LINGO2: variants seen among roughly 807,000 people sequenced by gnomAD.
LINGO2 encodes the protein leucine rich repeat and Ig domain containing 2.
A neutral mutation model predicts 30.6 loss-of-function variants in LINGO2; 14 were observed. The observed-to-expected ratio is 0.46, with a 90% CI of 0.30 to 0.72. The LOEUF (loss-of-function observed/expected upper bound fraction) is 0.72, where lower values mean the gene tolerates loss of function less well. Ranked by LOEUF, LINGO2 falls within the 30% of genes least tolerant of loss-of-function variation. LINGO2 has a pLI of 0.07. For missense variants in LINGO2, 729 were observed against 751.7 expected (o/e 0.97, Z 0.35); for synonymous variants, 317 against 288.5 (o/e 1.10, Z -1.00).
the LINGO2 span, among the ~76,000 whole-genome samples, chr9:28,681,433 G>A: frequency 6.6e-6 from 1 of 152,064 alleles, no homozygotes; most frequent in African/African-American, 2.4e-5. Context: ...ACAACTGGCA[G>A]TGCAAAGTTT....
Position 28,082,461 on chromosome 9 carries a change from A to G in LINGO2, c.-86-70056T>C, listed in dbSNP as rs568728190. On this transcript the variant is annotated intron_variant, in intron 4 of 5. Coordinates refer to ENST00000379992, the Ensembl canonical transcript of LINGO2. The stretch of plus-strand genomic sequence containing the variant: ...GCACAGAAATAAGTCACATCTTAAT[A>G]CAATTTTTTTTTCATTTTTACAAAG... Among the ~76,000 whole-genome samples, 6 of 145,332 alleles carry G rather than the reference A, an allele frequency of 4.1e-5. No homozygotes were observed. The East Asian group carries it at 9.8e-4, about 24-fold the overall frequency.
At chr9:29,158,184 T>TAAAA in the LINGO2 span, among the ~76,000 whole-genome samples, 1 of 119,692 alleles carries the variant, frequency 8.4e-6, no homozygotes, top group Non-Finnish European at 1.8e-5. Context: ...CTACACAAAG[T>TAAAA]AAAAAAAAAC....
chr9:28,998,869 A>G, the LINGO2 span, among the ~76,000 whole-genome samples: 11 of 151,554 alleles, frequency 7.3e-5, no homozygotes, highest in Admixed American at 6.6e-5. Context: ...GTCTAGGGAC[A>G]GTACATGAGA....
the LINGO2 span, among the ~76,000 whole-genome samples, chr9:28,697,130 T>C: frequency 6.6e-6 from 1 of 152,034 alleles, no homozygotes; most frequent in African/African-American, 2.4e-5. Context: ...TAGCCTTTTA[T>C]TCCTTGACTG....
chr9:28,890,271 T>C, the LINGO2 span, among the ~76,000 whole-genome samples: 1 of 152,068 alleles, frequency 6.6e-6, no homozygotes, highest in Non-Finnish European at 1.5e-5. Flanking sequence ...TAGACTTTCC[T>C]GTCCCTGGAG....
chr9:28,801,281 T>C, the LINGO2 span, among the ~76,000 whole-genome samples: 1 of 152,050 alleles, frequency 6.6e-6, no homozygotes, highest in Non-Finnish European at 1.5e-5. Flanking sequence ...CTCAAGGTAG[T>C]GCTTTCCACT....
the LINGO2 span, among the ~76,000 whole-genome samples, chr9:28,910,036 C>G: frequency 2.0e-5 from 3 of 151,932 alleles, no homozygotes; most frequent in Non-Finnish European, 4.4e-5. Flanking sequence ...TTAACTTTAA[C>G]AAGGCCATGA....
At chr9:29,209,282 T>C in the LINGO2 span, among the ~76,000 whole-genome samples, 1 of 152,124 alleles carries the variant, frequency 6.6e-6, no homozygotes, top group East Asian at 1.9e-4. Flanking sequence ...ACAAGATGCA[T>C]TTACAATTTA....
At chr9:28,781,576 T>C in the LINGO2 span, among the ~76,000 whole-genome samples, 4 of 152,314 alleles carry the variant, frequency 2.6e-5, no homozygotes, top group South Asian at 6.2e-4. Context: ...CTCATAATTA[T>C]GCATGTTATT....
chr9:28,855,341 C>G, the LINGO2 span, among the ~76,000 whole-genome samples: 2 of 151,930 alleles, frequency 1.3e-5, no homozygotes, highest in Non-Finnish European at 1.5e-5. Context: ...TAATACAGTG[C>G]TAGAACCTGC....
intron 1 of LINGO2, among the ~76,000 whole-genome samples, chr9:28,507,529 C>T (rs1820200538): frequency 6.6e-6 from 1 of 152,054 alleles, no homozygotes; most frequent in Admixed American, 6.6e-5. Flanking sequence ...CCTGATCTTT[C>T]CCTCCTCCAG....
At chr9:29,158,800 AAGAG>A in the LINGO2 span, among the ~76,000 whole-genome samples, 2 of 152,078 alleles carry the variant, frequency 1.3e-5, no homozygotes, top group Non-Finnish European at 2.9e-5. Flanking sequence ...AAGAGAGAGC[AAGAG>A]AGAGAAAGGC....
chr9:28,348,250 C>A (rs1819672255), intron 3 of LINGO2, among the ~76,000 whole-genome samples: 1 of 152,124 alleles, frequency 6.6e-6, no homozygotes, highest in African/African-American at 2.4e-5. Flanking sequence ...GTTCATCTCA[C>A]TAGGGAGTGC....
intron 4 of LINGO2, among the ~76,000 whole-genome samples, chr9:28,029,739 A>G (rs1344364635): frequency 6.6e-6 from 1 of 152,230 alleles, no homozygotes; most frequent in Non-Finnish European, 1.5e-5. Context: ...AAGGATAAAT[A>G]TCATAGGGTG....
At chr9:28,102,718 A>G (rs1225091801) in intron 4 of LINGO2, among the ~76,000 whole-genome samples, 1 of 152,128 alleles carries the variant, frequency 6.6e-6, no homozygotes, top group Non-Finnish European at 1.5e-5. Flanking sequence ...TACGAGTTTG[A>G]TCCCTTTTTA....
chr9:28,611,881 C>T (rs62560673), intron 1 of LINGO2, among the ~76,000 whole-genome samples: 2 of 151,526 alleles, frequency 1.3e-5, no homozygotes, highest in Admixed American at 6.6e-5. Flanking sequence ...AGTGCAGTGG[C>T]GCGATCTCAG....
At chr9:28,309,633 C>A (rs528199250) in intron 3 of LINGO2, among the ~76,000 whole-genome samples, 101 of 151,142 alleles carry the variant, frequency 6.7e-4, no homozygotes, top group African/African-American at 2.4e-3. Flanking sequence ...GATTAATTTA[C>A]TATTAAAGAA....
At chr9:28,489,060 AAG>A (rs1826283328) in intron 1 of LINGO2, among the ~76,000 whole-genome samples, 1 of 152,168 alleles carries the variant, frequency 6.6e-6, no homozygotes, top group Non-Finnish European at 1.5e-5. Flanking sequence ...GGAATCAAAA[AAG>A]CTTATATTCT....
chr9:28,386,374 A>G (rs952338238), intron 2 of LINGO2, among the ~76,000 whole-genome samples: 2 of 152,146 alleles, frequency 1.3e-5, no homozygotes, highest in Non-Finnish European at 2.9e-5. Flanking sequence ...TGTTTACTCA[A>G]TTTCCCTCTG....
Sources: gnomAD v4.1 joint callset for allele counts (sites outside exome capture counted in the v4.1 genomes callset) on GRCh38, gnomAD v4.1.1 for gene constraint, MANE v1.5 for transcripts, NCBI Gene and HGNC (gene_info 2026-07-23, HGNC 2026-07-21) for gene names.